The following PSTPIP2 variants were observed in gnomAD, a reference collection of about 807,000 sequenced individuals.
PSTPIP2 encodes proline-serine-threonine phosphatase-interacting protein 2.
PSTPIP2 carries 33 observed loss-of-function variants against 63.3 expected under a neutral mutation model. That is an observed-to-expected ratio of 0.52 (90% CI 0.40 to 0.70). The LOEUF (loss-of-function observed/expected upper bound fraction) is 0.70, where lower values mean the gene tolerates loss of function less well. Ranked by LOEUF, PSTPIP2 falls within the 30% of genes least tolerant of loss-of-function variation. PSTPIP2 has a pLI of 0.00. For synonymous variants in PSTPIP2, 125 were observed against 132.7 expected, an observed-to-expected ratio of 0.94 and a Z score of 0.40; for missense variants, 312 against 400.7, an observed-to-expected ratio of 0.78 and a Z score of 1.89.
At chr18:46,026,429 G>T (rs868168232) in intron 2 of PSTPIP2, among the ~76,000 whole-genome samples, 2 of 151,998 alleles carry the variant, frequency 1.3e-5, no homozygotes, top group African/African-American at 2.4e-5. Flanking sequence ...CTATTAATTT[G>T]GTAGAAGTTC....
Position 45,985,463 on chromosome 18 carries a change from A to G in PSTPIP2, c.*9-13T>C, listed in dbSNP as rs1257161419. The G allele has an allele frequency of 6.2e-7, 1 of 1,612,874 alleles. No individual in the cohort carries two copies. ...AAAGCTCTGGTTTCTGAAAGAAAAT[A>G]ACAAAGAAATTTCCTCTGAATGAAA... On this transcript the variant is annotated splice_polypyrimidine_tract_variant and intron_variant, in intron 14 of 14. Coordinates refer to ENST00000409746, the MANE Select transcript of PSTPIP2 (RefSeq NM_024430.4).
At chr18:46,034,860 G>T (rs915057005) in intron 2 of PSTPIP2, among the ~76,000 whole-genome samples, 3 of 152,160 alleles carry the variant, frequency 2.0e-5, no homozygotes, top group Non-Finnish European at 4.4e-5. Context: ...ACTGTAGCTT[G>T]CATAGAGTAA....
In PSTPIP2 at chr18:46,056,602, C is replaced by T. The variant is rs111851443; in HGVS notation, c.33+15554G>A. Among the ~76,000 whole-genome samples the T allele has an allele frequency of 5.7e-3, 864 of 152,232 alleles. 16 individuals carry two copies. The highest frequency in any genetic ancestry group is 0.032 in the Admixed American group (490 of 15,282). ...AATAGCAGAGCATGGTGGTGCACAC[C>T]TGTGGTCCCAGCTACTCCGGGGGCT... On this transcript the variant is annotated intron_variant, in intron 1 of 14. Coordinates refer to ENST00000409746, the MANE Select transcript of PSTPIP2 (RefSeq NM_024430.4).
chr18:45,993,897 C>A (rs975408082), intron 9 of PSTPIP2, 194 bp from the exon 10 acceptor site: 1 of 571,930 alleles, frequency 1.7e-6, no homozygotes. Flanking sequence ...CCTAATATCA[C>A]AGTAACACAA....
intron 2 of PSTPIP2, among the ~76,000 whole-genome samples, chr18:46,027,439 C>T (rs900978919): frequency 6.6e-6 from 1 of 151,934 alleles, no homozygotes; most frequent in Non-Finnish European, 1.5e-5. Context: ...CCTATAATCC[C>T]AGCACTTTGG....
chr18:46,064,307 T>C (rs868431181), intron 1 of PSTPIP2, among the ~76,000 whole-genome samples: 2 of 124,102 alleles, frequency 1.6e-5, no homozygotes, highest in Non-Finnish European at 3.5e-5. Flanking sequence ...TTTTTTTTTT[T>C]TGAGACAGAG....
intron 9 of PSTPIP2, among the ~76,000 whole-genome samples, chr18:45,994,432 T>C (rs996929746): frequency 2.4e-4 from 37 of 152,210 alleles, no homozygotes; most frequent in Non-Finnish European, 8.8e-5. Flanking sequence ...GGGACAGGTA[T>C]AGCTATAAGT....
At chr18:46,043,943 T>C (rs1177542039) in intron 1 of PSTPIP2, among the ~76,000 whole-genome samples, 1 of 152,146 alleles carries the variant, frequency 6.6e-6, no homozygotes, top group Non-Finnish European at 1.5e-5. Context: ...TTTTGCAAGA[T>C]TTCTTCACTG....
intron 1 of PSTPIP2, among the ~76,000 whole-genome samples, chr18:46,045,627 A>ATTGTGCACATGTACCCTAAAACT (rs1286946847): frequency 6.6e-6 from 1 of 152,106 alleles, no homozygotes; most frequent in Admixed American, 6.6e-5. Context: ...TAACCTGCAC[A>ATTGTGCACATGTACCCTAAAACT]TTGTGCACAT....
In PSTPIP2 at chr18:46,009,362, T is replaced by TAAAAAAAA. The variant is rs749693553; in HGVS notation, c.354+1811_354+1818dup. ...CATTTTCTTCCAAAGTTTTATGGTG[T>TAAAAAAAA]AAAAAAAAAAAAAAAAAAAAAAAAA... On this transcript the variant is annotated intron_variant, in intron 5 of 14. Coordinates refer to ENST00000409746, the MANE Select transcript of PSTPIP2 (RefSeq NM_024430.4). Among the ~76,000 whole-genome samples, 8 of 46,812 alleles carry TAAAAAAAA rather than the reference T, an allele frequency of 1.7e-4. 1 individual carries two copies. The highest frequency in any genetic ancestry group is 7.0e-4 in the African/African-American group (7 of 9,992). The allele number at this position is 46,812 out of a possible 152,430, so 30.7% of individuals were successfully genotyped here. A position where few individuals can be genotyped will look rare whatever the true frequency, so the allele number is the denominator to read the frequency against.
chr18:46,003,309 C>T (rs2051688904), intron 6 of PSTPIP2, among the ~76,000 whole-genome samples: 1 of 152,166 alleles, frequency 6.6e-6, no homozygotes, highest in South Asian at 2.1e-4. Context: ...GGCTCTGTTA[C>T]CTCCTGGTGG....
chr18:46,028,887 A>G lies in PSTPIP2; in HGVS notation c.135-4201T>C, dbSNP rs1479696701. Reference sequence around the variant, plus strand: ...AAAGGACTGGGAATTTCATATCCACATCAACTTCTCTTCCAAGAGGAATCC... The same window carrying G: ...AAAGGACTGGGAATTTCATATCCACGTCAACTTCTCTTCCAAGAGGAATCC... On this transcript the variant is annotated intron_variant, in intron 2 of 14. Coordinates refer to ENST00000409746, the MANE Select transcript of PSTPIP2 (RefSeq NM_024430.4). 1.0e-5 allele frequency: 16 copies of G among 1,581,530 alleles called. No homozygotes were observed. In the Admixed American group the frequency reaches 2.3e-4, roughly 23 times the overall value.
chr18:45,987,175 G>T (rs767950638), intron 14 of PSTPIP2, among the ~76,000 whole-genome samples: 2 of 152,162 alleles, frequency 1.3e-5, no homozygotes, highest in Non-Finnish European at 2.9e-5. Context: ...GGACAAGTTG[G>T]CATCTGTCCT....
At position 46,040,775 on chromosome 18, in the gene PSTPIP2, T is replaced by A. The variant is rs533597898; in HGVS notation, c.34-728A>T. ...CATGTAGTGTGAAAGAGTTTTTTAA[T>A]TGATGAGACTGAAGGGCCACAAAAC... On this transcript the variant is annotated intron_variant, in intron 1 of 14. Coordinates refer to ENST00000409746, the MANE Select transcript of PSTPIP2 (RefSeq NM_024430.4). Among the ~76,000 whole-genome samples, 13 of 152,238 alleles carry A rather than the reference T, an allele frequency of 8.5e-5. No homozygotes were observed. In the East Asian group the frequency reaches 1.5e-3, roughly 18 times the overall value.
rs1325520428 is a variant in PSTPIP2, at chr18:46,009,742, TCTCCTCTGAGGGG to T, written c.354+1426_354+1438del. On this transcript the variant is annotated intron_variant, in intron 5 of 14. Transcript: ENST00000409746. ...AAAACATGCAAGGAAATGATTCTCCTCTCCTCTGAGGGGAAGTCATGCGTGCCTAGACTCTGGT... is the reference window on the plus strand; with the variant it reads ...AAAACATGCAAGGAAATGATTCTCCTAAGTCATGCGTGCCTAGACTCTGGT... 1.1e-3 allele frequency among the ~76,000 whole-genome samples: 163 copies of T among 152,312 alleles called. 1 individual carries two copies. The highest frequency in any genetic ancestry group is 3.8e-3 in the African/African-American group (158 of 41,566).
At chr18:46,027,164 G>A (rs1164401965) in intron 2 of PSTPIP2, among the ~76,000 whole-genome samples, 1 of 151,802 alleles carries the variant, frequency 6.6e-6, no homozygotes, top group Non-Finnish European at 1.5e-5. Context: ...GCATGGTGGC[G>A]CATGCCTGCA....
chr18:46,049,487 T>C (rs1908506443), intron 1 of PSTPIP2, among the ~76,000 whole-genome samples: 1 of 151,948 alleles, frequency 6.6e-6, no homozygotes, highest in Admixed American at 6.6e-5. Flanking sequence ...AAAAAAGATA[T>C]TCAAACAATG....
In PSTPIP2 at chr18:46,002,519, T is replaced by C. The variant is rs961475347; in HGVS notation, c.417+2950A>G. 2.6e-5 allele frequency among the ~76,000 whole-genome samples: 4 copies of C among 152,242 alleles called. No individual in the cohort carries two copies. The South Asian group carries it at 8.3e-4, about 31-fold the overall frequency. On this transcript the variant is annotated intron_variant, in intron 6 of 14. Coordinates refer to ENST00000409746, the MANE Select transcript of PSTPIP2 (RefSeq NM_024430.4). ...TCTTCTGTCTCTTCCATTCTCTTCT[T>C]AAGCCCACATATTGGGTTTTCTAAA...
At chr18:45,993,486 C>G in intron 10 of PSTPIP2, 119 bp downstream of exon 10, 1 of 875,356 alleles carries the variant, frequency 1.1e-6, no homozygotes, top group Non-Finnish European at 1.8e-6. Flanking sequence ...ACTGTATGGC[C>G]TTAGGCAAGT....
Sources: gnomAD v4.1 joint callset for allele counts (sites outside exome capture counted in the v4.1 genomes callset) on GRCh38, gnomAD v4.1.1 for gene constraint, MANE v1.5 for transcripts, NCBI Gene and HGNC (gene_info 2026-07-23, HGNC 2026-07-21) for gene names.